Variants in PAK5 observed in about 807,000 individuals in gnomAD.
PAK5 encodes p21 (RAC1) activated kinase 5, also known as serine/threonine-protein kinase PAK 5.
A neutral mutation model predicts 65.9 loss-of-function variants in PAK5; 16 were observed. The ratio of observed to expected loss-of-function variants is 0.24; its 90% CI spans 0.16 to 0.37. The LOEUF is 0.37. Ranked by LOEUF, PAK5 falls within the 10% of genes least tolerant of loss-of-function variation. The pLI is 1.00. For synonymous variants in PAK5, 371 were observed against 354.9 expected (o/e 1.05, Z -0.51); for missense variants, 785 against 903.9 (o/e 0.87, Z 1.69).
intron 2 of PAK5, among the ~76,000 whole-genome samples, chr20:9,667,887 A>G (rs1379114138): frequency 8.5e-5 from 13 of 152,178 alleles, no homozygotes; most frequent in Non-Finnish European, 5.9e-5. Context: ...TTTCCTGCCT[A>G]ATGTGTTTAA....
chr20:9,714,838 G>C (rs6056822), intron 1 of PAK5, among the ~76,000 whole-genome samples: 102,375 of 152,002 alleles, frequency 0.67, 34,709 homozygotes, highest in East Asian at 0.85. Context: ...AACTGGCTAG[G>C]CATATGTAGA....
intron 1 of PAK5, among the ~76,000 whole-genome samples, chr20:9,746,915 CA>C (rs1179511019): frequency 6.6e-6 from 1 of 151,900 alleles, no homozygotes; most frequent in Non-Finnish European, 1.5e-5. Flanking sequence ...TTGAAAGGAT[CA>C]ACAAAACTGA....
intron 2 of PAK5, among the ~76,000 whole-genome samples, chr20:9,678,996 G>A (rs1054073214): frequency 6.6e-6 from 1 of 152,082 alleles, no homozygotes; most frequent in African/African-American, 2.4e-5. Context: ...GGTTTGAACT[G>A]CATGTGTTCA....
chr20:9,800,375 A>G (rs1433931531), intron 1 of PAK5, among the ~76,000 whole-genome samples: 1 of 152,086 alleles, frequency 6.6e-6, no homozygotes, highest in Non-Finnish European at 1.5e-5. Flanking sequence ...TTAAACTTTG[A>G]CTTTATTAGC....
intron 3 of PAK5, among the ~76,000 whole-genome samples, chr20:9,623,637 TACAA>T (rs1017063418): frequency 3.3e-5 from 5 of 152,254 alleles, no homozygotes; most frequent in Non-Finnish European, 5.9e-5. Flanking sequence ...CTAAGATAGG[TACAA>T]ACAAAGAGAA....
intron 3 of PAK5, among the ~76,000 whole-genome samples, chr20:9,643,371 T>C (rs547902735): frequency 6.6e-6 from 1 of 152,328 alleles, no homozygotes; most frequent in Non-Finnish European, 1.5e-5. Context: ...ATTTTCTTTG[T>C]AGTAACTTGG....
intron 4 of PAK5, chr20:9,577,545 C>T (rs553067647): frequency 5.9e-5 from 9 of 152,374 alleles, no homozygotes; most frequent in South Asian, 4.1e-4. Context: ...GCCGACTCAT[C>T]TGAGTCGTGA....
intron 3 of PAK5, among the ~76,000 whole-genome samples, chr20:9,595,108 C>T (rs1169439614): frequency 1.3e-5 from 2 of 149,860 alleles, no homozygotes; most frequent in African/African-American, 2.5e-5. Context: ...CATATATATA[C>T]ACATATACAT....
At chr20:9,577,135 G>A (rs530786856) in intron 4 of PAK5, among the ~76,000 whole-genome samples, 1 of 152,226 alleles carries the variant, frequency 6.6e-6, no homozygotes, top group East Asian at 1.9e-4. Context: ...TGGTGGGTAT[G>A]GTGCTATATG....
chr20:9,565,821 A>G, intron 5 of PAK5, 72 bp downstream of exon 5: 1 of 1,411,836 alleles, frequency 7.1e-7, no homozygotes, highest in South Asian at 1.3e-5. Flanking sequence ...TAAAATGTAC[A>G]TGTGTATAAC....
At chr20:9,644,938 T>C (rs189089645) in intron 2 of PAK5, among the ~76,000 whole-genome samples, 89 of 152,354 alleles carry the variant, frequency 5.8e-4, no homozygotes, top group African/African-American at 2.1e-3. Context: ...GGGAGAAACA[T>C]TTCAAAGTTT....
intron 1 of PAK5, among the ~76,000 whole-genome samples, chr20:9,745,593 G>A (rs1036400909): frequency 5.3e-5 from 8 of 151,966 alleles, no homozygotes; most frequent in South Asian, 4.1e-4. Context: ...ATTTTCATGC[G>A]TTGATCTTAC....
At chr20:9,684,848 A>G (rs1488405674) in intron 2 of PAK5, among the ~76,000 whole-genome samples, 1 of 152,226 alleles carries the variant, frequency 6.6e-6, no homozygotes, top group Non-Finnish European at 1.5e-5. Flanking sequence ...TCTGATGTCC[A>G]CTGGGGATCT....
chr20:9,620,628 C>T (rs1292586809), intron 3 of PAK5, among the ~76,000 whole-genome samples: 1 of 152,168 alleles, frequency 6.6e-6, no homozygotes, highest in Non-Finnish European at 1.5e-5. Context: ...ACATGGCTCA[C>T]AGTGATATGG....
At chr20:9,621,180 TA>T (rs1261847487) in intron 3 of PAK5, among the ~76,000 whole-genome samples, 1 of 151,974 alleles carries the variant, frequency 6.6e-6, no homozygotes. Flanking sequence ...ACATGAGGTT[TA>T]GACTGACAAG....
chr20:9,717,614 TG>T (rs2048164393), intron 1 of PAK5, among the ~76,000 whole-genome samples: 1 of 152,040 alleles, frequency 6.6e-6, no homozygotes, highest in Admixed American at 6.6e-5. Flanking sequence ...TTTGTTTTCT[TG>T]TTTTGTTTTG....
intron 3 of PAK5, among the ~76,000 whole-genome samples, chr20:9,609,952 T>C (rs2046526995): frequency 6.6e-6 from 1 of 152,188 alleles, no homozygotes; most frequent in Admixed American, 6.5e-5. Context: ...AAGTGCCAAA[T>C]GGTACTTTTC....
At chr20:9,784,457 C>T (rs1388676839) in intron 1 of PAK5, 1 of 152,100 alleles carries the variant, frequency 6.6e-6, no homozygotes, top group African/African-American at 2.4e-5. Context: ...ATTTCAGAGG[C>T]CCCAGTAAGA....
intron 1 of PAK5, among the ~76,000 whole-genome samples, chr20:9,832,659 T>C (rs1393812641): frequency 6.6e-6 from 1 of 152,232 alleles, no homozygotes; most frequent in East Asian, 1.9e-4. Context: ...GAGATTGTCC[T>C]TCTCACTGCA....
Sources: allele counts gnomAD v4.1 joint callset (sites outside exome capture counted in the v4.1 genomes callset), GRCh38; gene constraint gnomAD v4.1.1; transcripts MANE v1.5; gene names NCBI Gene and HGNC (gene_info 2026-07-23, HGNC 2026-07-21).